SCGB2B2: variants seen among roughly 807,000 people sequenced by gnomAD.
SCGB2B2 encodes secretoglobin-like protein.
A neutral mutation model predicts 7.6 loss-of-function variants in SCGB2B2; 11 were observed. That is an observed-to-expected ratio of 1.45 (90% CI 0.91 to 2.40). The LOEUF is 2.40. Among genes scored for constraint, SCGB2B2 ranks in the 30% most tolerant of loss-of-function variants. The pLI is 0.00. For synonymous variants in SCGB2B2, 50 were observed against 48.6 expected, an observed-to-expected ratio of 1.03 and a Z score of -0.12; for missense variants, 104 against 115.4, an observed-to-expected ratio of 0.90 and a Z score of 0.45.
chr19:34,638,337 G>A (rs2066744954), intron 1 of SCGB2B2: 1 of 152,128 alleles, frequency 6.6e-6, no homozygotes, highest in Admixed American at 6.6e-5. Context: ...CAGCTACTCT[G>A]GAGGCTGAAG....
intron 1 of SCGB2B2, among the ~76,000 whole-genome samples, chr19:34,629,247 A>AT (rs1168071133): frequency 6.6e-6 from 1 of 151,976 alleles, no homozygotes; most frequent in African/African-American, 2.4e-5. Flanking sequence ...CCTATTCAAC[A>AT]TAGTGTTGGA....
intron 1 of SCGB2B2, among the ~76,000 whole-genome samples, chr19:34,610,454 A>ATTTAT (rs2065896287): frequency 6.6e-6 from 1 of 152,098 alleles, no homozygotes; most frequent in Non-Finnish European, 1.5e-5. Context: ...TTTGCCATAT[A>ATTTAT]TTTATTTTAT....
At chr19:34,587,504 T>C (rs1354443918), downstream of SCGB2B2, among the ~76,000 whole-genome samples, 1 of 152,208 alleles carries the variant, frequency 6.6e-6, no homozygotes, top group Admixed American at 6.5e-5. Context: ...TCCTTTCCAG[T>C]CTGGATGCCC....
downstream of SCGB2B2, among the ~76,000 whole-genome samples, chr19:34,586,141 A>C (rs1473531160): frequency 3.9e-5 from 6 of 152,198 alleles, no homozygotes; most frequent in Non-Finnish European, 5.9e-5. Context: ...GGCTATTATC[A>C]TTTTAATTAT....
intron 1 of SCGB2B2, among the ~76,000 whole-genome samples, chr19:34,597,808 A>C (rs1013321782): frequency 1.3e-5 from 2 of 152,204 alleles, no homozygotes; most frequent in African/African-American, 4.8e-5. Flanking sequence ...CAGGCATCCC[A>C]TGCTGCAGCC....
chr19:34,643,771 A>C (rs1018661348), intron 1 of SCGB2B2, among the ~76,000 whole-genome samples: 3 of 152,146 alleles, frequency 2.0e-5, no homozygotes, highest in African/African-American at 7.2e-5. Context: ...TTTCTGTTCA[A>C]TGAGGATAGT....
chr19:34,669,180 C>T (rs2067730785), intron 1 of SCGB2B2, among the ~76,000 whole-genome samples: 1 of 152,096 alleles, frequency 6.6e-6, no homozygotes, highest in Non-Finnish European at 1.5e-5. Context: ...CGAGGGTCCG[C>T]GACTTCATTC....
At position 34,594,224 on chromosome 19, in the gene SCGB2B2, C is replaced by G. The variant is rs1208126831; in HGVS notation, c.197G>C (p.Cys66Ser). 6.2e-7 allele frequency: 1 copy of G among 1,614,010 alleles called. No individual in the cohort carries two copies. The highest frequency in any genetic ancestry group is 1.3e-5 in the African/African-American group (1 of 74,918). Residue 66 changes from cysteine (C) to serine (S), a missense_variant, in exon 3 of 4, where the codon TGC becomes TCC. Physicochemically the swap from Cys to Ser is moderately radical, Grantham distance 112. Transcript: ENST00000601241. Reference protein sequence around the residue: ...TEESFLNVQQCFANVSVTERF... With the variant: ...TEESFLNVQQSFANVSVTERF... ...TTCTGTCACGGAGACATTGGCAAAG[C>G]ATTGCTGGACATTGAGGAAGGACTC... is the stretch of plus-strand genomic sequence containing the variant.
downstream of SCGB2B2, among the ~76,000 whole-genome samples, chr19:34,587,329 A>G (rs2065206373): frequency 1.3e-5 from 2 of 151,840 alleles, no homozygotes; most frequent in African/African-American, 4.8e-5. Flanking sequence ...TTTCTTTTCT[A>G]GTTTATTGTT....
At chr19:34,658,133 A>C (rs1334022833) in intron 1 of SCGB2B2, among the ~76,000 whole-genome samples, 1 of 152,234 alleles carries the variant, frequency 6.6e-6, no homozygotes, top group Non-Finnish European at 1.5e-5. Context: ...AAATGCCCAC[A>C]AGAGAAAGGA....
rs537852997 is a variant in SCGB2B2, at chr19:34,664,619, G to C, written c.-2032+11011C>G. Among the ~76,000 whole-genome samples, 17 of 152,302 alleles carry C rather than the reference G, an allele frequency of 1.1e-4. No individual in the cohort carries two copies. In the South Asian group the frequency reaches 3.5e-3, roughly 32 times the overall value. On this transcript the variant is annotated intron_variant, in intron 1 of 3. Coordinates refer to ENST00000601241, the MANE Select transcript of SCGB2B2 (RefSeq NM_001025591.4). ...ACTGCATGGTGCTCTGCTGTGCCAG[G>C]TTGTGTTGTGTCCAGTTGTGCTGTG...
At chr19:34,620,258 G>C (rs911808190) in intron 1 of SCGB2B2, among the ~76,000 whole-genome samples, 1 of 152,088 alleles carries the variant, frequency 6.6e-6, no homozygotes, top group Admixed American at 6.5e-5. Context: ...ATTCACAATA[G>C]CAAAGACTTG....
chr19:34,594,635 C>T lies in SCGB2B2; in HGVS notation c.-72G>A. On this transcript the variant is annotated 5_prime_UTR_variant, in exon 2 of 4. Transcript: ENST00000601241. ...TGGGTGAGCTTTATGTATATCTGAA[C>T]AAGGCACATGCCTCTTCGTGTGTGT... 1 of 1,110,568 alleles carries T rather than the reference C, an allele frequency of 9.0e-7. No homozygotes were observed. Among genetic ancestry groups the T allele is most frequent in the East Asian group, 2.4e-5 (1 of 41,250 alleles). The allele number at this position is 1,110,568 out of a possible 1,614,324, so 68.8% of individuals were successfully genotyped here. A position where few individuals can be genotyped will look rare whatever the true frequency, so the allele number is the denominator to read the frequency against.
intron 1 of SCGB2B2, among the ~76,000 whole-genome samples, chr19:34,667,339 C>A (rs1048779705): frequency 2.0e-5 from 3 of 151,468 alleles, no homozygotes; most frequent in African/African-American, 7.3e-5. Flanking sequence ...AAATCAACAA[C>A]CAGGGTGCCT....
rs1259653041 is a variant in SCGB2B2, at chr19:34,631,125, GA to G, written c.-2031-34532del. ...ACCGGGGCCTGTTGTGGGGTGGGGGGAGGGGGGAGGGATGGCATTAGTAGAT... is the reference window on the plus strand; with the variant it reads ...ACCGGGGCCTGTTGTGGGGTGGGGGGGGGGGGAGGGATGGCATTAGTAGAT... On this transcript the variant is annotated intron_variant, in intron 1 of 3. Coordinates refer to ENST00000601241, the MANE Select transcript of SCGB2B2 (RefSeq NM_001025591.4). Among the ~76,000 whole-genome samples the G allele has an allele frequency of 8.1e-4, 87 of 107,582 alleles. 1 individual carries two copies. In the East Asian group the frequency reaches 0.016, roughly 20 times the overall value. The allele number at this position is 107,582 out of a possible 152,430, so 70.6% of individuals were successfully genotyped here. A position where few individuals can be genotyped will look rare whatever the true frequency, so the allele number is the denominator to read the frequency against.
At chr19:34,641,903 G>A (rs1350823076) in intron 1 of SCGB2B2, among the ~76,000 whole-genome samples, 2 of 152,174 alleles carry the variant, frequency 1.3e-5, no homozygotes, top group African/African-American at 4.8e-5. Context: ...GCTCCCATAT[G>A]TACACATTAA....
intron 1 of SCGB2B2, among the ~76,000 whole-genome samples, chr19:34,605,096 A>G (rs1053443265): frequency 1.3e-5 from 2 of 152,106 alleles, no homozygotes; most frequent in East Asian, 3.9e-4. Flanking sequence ...ATTAGTTTGC[A>G]TTTTCTAGCA....
intron 1 of SCGB2B2, among the ~76,000 whole-genome samples, chr19:34,664,472 G>GC (rs946383169): frequency 1.4e-4 from 22 of 152,322 alleles, no homozygotes; most frequent in African/African-American, 5.1e-4. Context: ...GGTGTCACAA[G>GC]CAAGTAGGTG....
intron 1 of SCGB2B2, among the ~76,000 whole-genome samples, chr19:34,642,914 G>A (rs1349984765): frequency 3.3e-5 from 5 of 152,094 alleles, no homozygotes; most frequent in Admixed American, 1.3e-4. Context: ...ACCAACAGAC[G>A]CTAGTGAGGA....
Sources: allele counts gnomAD v4.1 joint callset (sites outside exome capture counted in the v4.1 genomes callset), GRCh38; gene constraint gnomAD v4.1.1; transcripts MANE v1.5; gene names NCBI Gene and HGNC (gene_info 2026-07-23, HGNC 2026-07-21).